The following KDM2B variants were observed in gnomAD, a reference collection of about 807,000 sequenced individuals.
The protein encoded by KDM2B is lysine-specific demethylase 2B.
In KDM2B, 26 loss-of-function variants were observed where a neutral mutation model predicts 150.0. The ratio of observed to expected loss-of-function variants is 0.17; its 90% confidence interval spans 0.13 to 0.24. The LOEUF (loss-of-function observed/expected upper bound fraction) is 0.24. Among genes scored for constraint, KDM2B ranks in the 10% least tolerant of loss-of-function variants. The pLI is 1.00. For missense variants in KDM2B, 1,265 were observed against 1,816.9 expected (o/e 0.70, Z 5.52); for synonymous variants, 734 against 729.5 (o/e 1.01, Z -0.10).
chr12:121,444,583 G>T, intron 14 of KDM2B, 47 bp from the exon 15 acceptor site: 2 of 1,518,770 alleles, frequency 1.3e-6, no homozygotes, highest in Non-Finnish European at 9.1e-7. Context: ...GGAGAAGATG[G>T]CCCACGGGCA....
intron 11 of KDM2B, among the ~76,000 whole-genome samples, chr12:121,501,282 G>A (rs539858320): frequency 2.0e-5 from 3 of 152,130 alleles, no homozygotes; most frequent in Non-Finnish European, 4.4e-5. Context: ...GGGAGGCTGA[G>A]GCACGAGAAT....
intron 12 of KDM2B, among the ~76,000 whole-genome samples, chr12:121,458,145 G>A (rs1593816115): frequency 6.6e-6 from 1 of 152,102 alleles, no homozygotes. Flanking sequence ...CACTTTGGGA[G>A]GCCAAGATAG....
chr12:121,580,100 C>T, intron 1 of KDM2B: 1 of 1,582,860 alleles, frequency 6.3e-7, no homozygotes, highest in Non-Finnish European at 8.5e-7. Flanking sequence ...CTGCCCCCTG[C>T]ATTTTGGCCG....
In KDM2B at chr12:121,580,421, G is replaced by A. The variant is rs1381992414; in HGVS notation, c.126+365C>T. 6.0e-6 allele frequency: 7 copies of A among 1,161,736 alleles called. No homozygotes were observed. The African/African-American group carries it at 1.1e-4, about 19-fold the overall frequency. The allele number at this position is 1,161,736 out of a possible 1,614,324, so 72.0% of individuals were successfully genotyped here. The stretch of plus-strand genomic sequence containing the variant: ...CGGGGAGGGAGCCCGGGAGGCACCG[G>A]GCGCCGTTAGCGCCGTGGCATCGCT... On this transcript the variant is annotated intron_variant, in intron 1 of 22. Transcript: ENST00000377071.
the KDM2B span, chr12:121,416,079 C>T: frequency 2.4e-5 from 28 of 1,179,724 alleles, no homozygotes; most frequent in Non-Finnish European, 3.5e-5. Flanking sequence ...ACTTACCTCT[C>T]CAGAATAGCA....
At chr12:121,525,998 G>A (rs963716005) in intron 8 of KDM2B, among the ~76,000 whole-genome samples, 2 of 152,176 alleles carry the variant, frequency 1.3e-5, no homozygotes, top group Non-Finnish European at 2.9e-5. Flanking sequence ...GAGGGGATCT[G>A]TCTTATGTCC....
chr12:121,502,089 C>T (rs1884620786), intron 11 of KDM2B, among the ~76,000 whole-genome samples: 2 of 152,176 alleles, frequency 1.3e-5, no homozygotes, highest in Admixed American at 6.5e-5. Flanking sequence ...CTTCCACAGT[C>T]ATGGGTTTCA....
At chr12:121,558,418 A>G (rs1246278925) in intron 4 of KDM2B, among the ~76,000 whole-genome samples, 2 of 151,570 alleles carry the variant, frequency 1.3e-5, no homozygotes, top group African/African-American at 2.4e-5. Flanking sequence ...AGAAGGACAG[A>G]CATGTGTGGA....
intron 12 of KDM2B, among the ~76,000 whole-genome samples, chr12:121,486,679 G>C (rs577424235): frequency 5.3e-5 from 8 of 151,940 alleles, no homozygotes; most frequent in African/African-American, 1.9e-4. Flanking sequence ...CCAGCTACTC[G>C]GGAGGCTGAG....
intron 4 of KDM2B, among the ~76,000 whole-genome samples, chr12:121,556,991 A>G (rs571257564): frequency 6.6e-6 from 1 of 152,260 alleles, no homozygotes; most frequent in South Asian, 2.1e-4. Flanking sequence ...CAGATCGAAC[A>G]GTAGACGCAG....
chr12:121,484,066 G>A (rs1882467269), intron 12 of KDM2B, among the ~76,000 whole-genome samples: 1 of 152,134 alleles, frequency 6.6e-6, no homozygotes. Context: ...CACTCAACCT[G>A]CAATGATCCC....
At chr12:121,498,275 T>C (rs1466727061) in intron 11 of KDM2B, among the ~76,000 whole-genome samples, 1 of 152,122 alleles carries the variant, frequency 6.6e-6, no homozygotes, top group South Asian at 2.1e-4. Context: ...TTCAGCCACT[T>C]AGTCCAATCC....
intron 12 of KDM2B, among the ~76,000 whole-genome samples, chr12:121,458,095 A>T (rs1430330989): frequency 6.6e-6 from 1 of 152,196 alleles, no homozygotes. Context: ...GCAAAATCCC[A>T]ACTGGGGCTG....
At chr12:121,555,720 A>G (rs1889838624) in intron 4 of KDM2B, among the ~76,000 whole-genome samples, 1 of 151,998 alleles carries the variant, frequency 6.6e-6, no homozygotes, top group South Asian at 2.1e-4. Flanking sequence ...TAGTTTGGAT[A>G]TTTTTCCCCC....
chr12:121,474,468 A>C (rs1881127600), intron 12 of KDM2B, among the ~76,000 whole-genome samples: 1 of 152,166 alleles, frequency 6.6e-6, no homozygotes, highest in Non-Finnish European at 1.5e-5. Context: ...GTGAGCAGAG[A>C]TCTCGCCACT....
In KDM2B at chr12:121,430,658, C is replaced by T. The variant is rs1265268062; in HGVS notation, c.3830-189G>A. Reference sequence around the variant, plus strand: ...TTCAAACGGGGAAGGGTCTCACCCGCCAGGTATAAAGGTTAATATATGCCT... The same window carrying T: ...TTCAAACGGGGAAGGGTCTCACCCGTCAGGTATAAAGGTTAATATATGCCT... On this transcript the variant is annotated intron_variant, in intron 22 of 22. Coordinates refer to ENST00000377071, the MANE Select transcript of KDM2B (RefSeq NM_032590.5). The surrounding 1 kb of genome is among the most constrained non-coding windows in gnomAD (Gnocchi z 4.4). 5.0e-6 allele frequency: 3 copies of T among 599,840 alleles called. No individual in the cohort carries two copies. The African/African-American group carries it at 5.6e-5, about 11-fold the overall frequency. The allele number at this position is 599,840 out of a possible 1,614,324, so 37.2% of individuals were successfully genotyped here. A position where few individuals can be genotyped will look rare whatever the true frequency, so the allele number is the denominator to read the frequency against.
At chr12:121,434,767 C>T (rs1873690381) in intron 22 of KDM2B, among the ~76,000 whole-genome samples, 1 of 151,944 alleles carries the variant, frequency 6.6e-6, no homozygotes, top group African/African-American at 2.4e-5. Context: ...ACCAGCCTGG[C>T]CAATATGGTG....
chr12:121,457,313 G>A (rs1238711550), intron 12 of KDM2B, among the ~76,000 whole-genome samples: 1 of 151,860 alleles, frequency 6.6e-6, no homozygotes, highest in African/African-American at 2.4e-5. Flanking sequence ...CCAGGCCGGA[G>A]TGCAGTGGCG....
At chr12:121,576,752 C>T (rs782058074) in intron 2 of KDM2B, among the ~76,000 whole-genome samples, 3 of 152,166 alleles carry the variant, frequency 2.0e-5, no homozygotes, top group Non-Finnish European at 4.4e-5. Context: ...TAAATTCTCA[C>T]GTCCCCCAAA....
Sources: allele counts gnomAD v4.1 joint callset (sites outside exome capture counted in the v4.1 genomes callset), GRCh38; gene constraint gnomAD v4.1.1; non-coding constraint Gnocchi (gnomAD v3.1); transcripts MANE v1.5; gene names NCBI Gene and HGNC (gene_info 2026-07-23, HGNC 2026-07-21).